SLC9B2: variants seen among roughly 807,000 people sequenced by gnomAD.
The protein encoded by SLC9B2 is solute carrier family 9 member B2.
A neutral mutation model predicts 52.2 loss-of-function variants in SLC9B2; 39 were observed. The observed-to-expected ratio is 0.75, with a 90% CI of 0.58 to 0.98. The LOEUF (loss-of-function observed/expected upper bound fraction) is 0.98. SLC9B2 is among the 50% of genes least tolerant of loss of function. The pLI is 0.00. For synonymous variants in SLC9B2, 214 were observed against 227.0 expected (o/e 0.94, Z 0.51); for missense variants, 626 against 637.5 (o/e 0.98, Z 0.19).
In SLC9B2 at chr4:103,026,344, A is replaced by C; in HGVS notation, c.*26T>G. The C allele has an allele frequency of 6.4e-7, 1 of 1,551,102 alleles. No homozygotes were observed. The highest frequency in any genetic ancestry group is 8.7e-7 in the Non-Finnish European group (1 of 1,144,500). ...AAAAAGTAGCAGCTTTCTAAACATT[A>C]TGTTCAGCACTCTCTCTTTTCACCT... On this transcript the variant is annotated 3_prime_UTR_variant, in exon 12 of 12. Coordinates refer to ENST00000394785, the MANE Select transcript of SLC9B2 (RefSeq NM_178833.7).
downstream of SLC9B2, among the ~76,000 whole-genome samples, chr4:103,018,514 G>C (rs1243309670): frequency 6.6e-6 from 1 of 152,182 alleles, no homozygotes. Flanking sequence ...AATAATAAGT[G>C]TCATTTTTCA....
At chr4:103,019,743 G>A, downstream of SLC9B2, 6 of 985,616 alleles carry the variant, frequency 6.1e-6, no homozygotes, top group Non-Finnish European at 7.2e-6. Flanking sequence ...GCGGGGCGAG[G>A]AGGCGGCAGC....
intron 4 of SLC9B2, among the ~76,000 whole-genome samples, chr4:103,055,344 T>A (rs187287208): frequency 0.015 from 2,250 of 152,220 alleles, 35 homozygotes; most frequent in Non-Finnish European, 0.023. Flanking sequence ...CATATGTAAC[T>A]AACCTGCACG....
intron 9 of SLC9B2, among the ~76,000 whole-genome samples, chr4:103,034,960 T>A (rs566106531): frequency 3.3e-5 from 5 of 152,282 alleles, no homozygotes; most frequent in Admixed American, 1.3e-4. Flanking sequence ...TAATTGTACA[T>A]CTTTTGATAC....
At chr4:103,067,923 T>C (rs1384574830) in intron 1 of SLC9B2, among the ~76,000 whole-genome samples, 3 of 152,236 alleles carry the variant, frequency 2.0e-5, no homozygotes, top group Non-Finnish European at 4.4e-5. Flanking sequence ...GCCAACTGGA[T>C]GAAGCAGGAA....
At chr4:103,026,669 A>G (rs1385205748) in intron 11 of SLC9B2, 78 bp from the exon 12 acceptor site, 3 of 1,343,248 alleles carry the variant, frequency 2.2e-6, no homozygotes, top group African/African-American at 3.0e-5. Context: ...TATTGTTTGC[A>G]AAAGCAAATT....
intron 4 of SLC9B2, among the ~76,000 whole-genome samples, chr4:103,053,367 T>G (rs1170836743): frequency 1.3e-5 from 2 of 152,222 alleles, no homozygotes; most frequent in Non-Finnish European, 2.9e-5. Context: ...CCAGTAAACT[T>G]TCTTCCTCTA....
In SLC9B2 at chr4:103,048,926, A is replaced by T; in HGVS notation, c.680T>A (p.Leu227Gln). 6.2e-7 allele frequency: 1 copy of T among 1,613,950 alleles called. No homozygotes were observed. The highest frequency in any genetic ancestry group is 8.5e-7 in the Non-Finnish European group (1 of 1,179,858). The change falls in exon 6 of 12, where the codon CTG (leucine) becomes CAG (glutamine). Residue 227 changes from leucine (L) to glutamine (Q), a missense_variant. By Grantham distance (113) the Leu-to-Gln change is moderately radical. Coordinates refer to ENST00000394785, the MANE Select transcript of SLC9B2 (RefSeq NM_178833.7). Reference sequence around the variant, plus strand: ...AAATCCCCATTGCCATGGTAAACCCAGCAGGTAATGGGCAAGAAGAGCAGA... The same window carrying T: ...AAATCCCCATTGCCATGGTAAACCCTGCAGGTAATGGGCAAGAAGAGCAGA... ...CTSALLAHYL[L>Q]GLPWQWGFIL...
At chr4:103,077,296 C>T (rs1485994320), upstream of SLC9B2, 2 of 152,174 alleles carry the variant, frequency 1.3e-5, no homozygotes, top group East Asian at 1.9e-4. Context: ...TAGGTTCCAT[C>T]CAATACCCTT....
At chr4:103,055,072 G>A (rs142605197) in intron 4 of SLC9B2, among the ~76,000 whole-genome samples, 6,618 of 152,196 alleles carry the variant, frequency 0.043, 437 homozygotes, top group African/African-American at 0.14. Context: ...AAAATGATGA[G>A]TTCGTGTCCT....
At chr4:103,067,845 T>C (rs907078184) in intron 1 of SLC9B2, among the ~76,000 whole-genome samples, 1 of 152,192 alleles carries the variant, frequency 6.6e-6, no homozygotes, top group Admixed American at 6.5e-5. Flanking sequence ...TTCTTTCCCA[T>C]ATTATTTTTT....
chr4:103,064,204 T>C (rs922901764), intron 3 of SLC9B2, among the ~76,000 whole-genome samples: 5 of 152,252 alleles, frequency 3.3e-5, no homozygotes, highest in African/African-American at 7.2e-5. Context: ...CCCATGTTTA[T>C]TGCAGTACTA....
intron 4 of SLC9B2, among the ~76,000 whole-genome samples, chr4:103,056,360 A>G (rs188411235): frequency 0.013 from 1,948 of 151,546 alleles, 40 homozygotes; most frequent in African/African-American, 0.041. Context: ...TAATTCTCCT[A>G]TCTCAGCCTC....
downstream of SLC9B2, chr4:103,020,016 CAAT>C (rs1364556946): frequency 2.6e-6 from 2 of 763,722 alleles, no homozygotes; most frequent in Non-Finnish European, 1.6e-6. Context: ...GCTTAAAGTG[CAAT>C]GGTAGAAGAG....
At chr4:103,048,333 C>T (rs558658104) in intron 6 of SLC9B2, among the ~76,000 whole-genome samples, 83 of 152,244 alleles carry the variant, frequency 5.5e-4, no homozygotes, top group African/African-American at 1.9e-3. Context: ...GATCACACAC[C>T]GGAAAAATCA....
intron 9 of SLC9B2, among the ~76,000 whole-genome samples, chr4:103,041,012 G>C (rs2110596436): frequency 6.6e-6 from 1 of 152,230 alleles, no homozygotes; most frequent in African/African-American, 2.4e-5. Context: ...AATGAGACAG[G>C]TACTTCATAT....
At position 103,022,305 on chromosome 4, in the gene SLC9B2, A is replaced by C. The variant is rs1048374950; in HGVS notation, c.*4065T>G. 2.0e-5 allele frequency among the ~76,000 whole-genome samples: 3 copies of C among 152,214 alleles called. No individual in the cohort carries two copies. The highest frequency in any genetic ancestry group is 4.4e-5 in the Non-Finnish European group (3 of 68,028). ...CATTGCAAAATGAATATCTGAATAT[A>C]AACATGAAGGCTTAGCATTCATTAT... On this transcript the variant is annotated 3_prime_UTR_variant, in exon 12 of 12. Coordinates refer to ENST00000394785, the MANE Select transcript of SLC9B2 (RefSeq NM_178833.7).
intron 4 of SLC9B2, among the ~76,000 whole-genome samples, chr4:103,052,570 A>G (rs1485864197): frequency 2.0e-5 from 3 of 152,230 alleles, no homozygotes; most frequent in Admixed American, 2.0e-4. Flanking sequence ...TCATTACAAT[A>G]GCTCTTTAAT....
chr4:103,049,999 C>T (rs1481511347), intron 5 of SLC9B2, among the ~76,000 whole-genome samples: 3 of 147,370 alleles, frequency 2.0e-5, no homozygotes, highest in Admixed American at 6.9e-5. Flanking sequence ...GGTGACAGAG[C>T]GAGACTCTGT....
Sources: gnomAD v4.1 joint callset for allele counts (sites outside exome capture counted in the v4.1 genomes callset) on GRCh38, gnomAD v4.1.1 for gene constraint, MANE v1.5 for transcripts, NCBI Gene and HGNC (gene_info 2026-07-23, HGNC 2026-07-21) for gene names.